The following PPP4R3A variants were observed in gnomAD, a reference collection of about 807,000 sequenced individuals.
PPP4R3A encodes the protein protein phosphatase 4 regulatory subunit 3A.
Under a neutral mutation model 91.7 loss-of-function variants are expected in PPP4R3A, and 15 were observed. The observed-to-expected ratio is 0.16, with a 90% CI of 0.11 to 0.25. The LOEUF is 0.25. PPP4R3A is among the 10% of genes least tolerant of loss of function. The pLI is 1.00. For missense variants in PPP4R3A, 623 were observed against 998.4 expected (o/e 0.62, Z 5.07); for synonymous variants, 377 against 348.7 (o/e 1.08, Z -0.91).
At chr14:91,471,051 A>C in intron 9 of PPP4R3A, 56 bp from the exon 10 acceptor site, 2 of 1,486,422 alleles carry the variant, frequency 1.3e-6, no homozygotes, top group East Asian at 2.4e-5. Context: ...TTTCCTTCTA[A>C]AATGTAAGAA....
At chr14:91,498,671 T>C (rs1365957325) in intron 1 of PPP4R3A, among the ~76,000 whole-genome samples, 1 of 151,532 alleles carries the variant, frequency 6.6e-6, no homozygotes, top group East Asian at 2.0e-4. Flanking sequence ...TCCCAGCACT[T>C]TGGGAGGCAG....
intron 10 of PPP4R3A, among the ~76,000 whole-genome samples, chr14:91,466,646 A>G (rs1384908929): frequency 6.6e-6 from 1 of 152,192 alleles, no homozygotes; most frequent in Non-Finnish European, 1.5e-5. Context: ...TTTTAAAAAC[A>G]TACTCATGGT....
In PPP4R3A at chr14:91,509,902, C is replaced by A; in HGVS notation, c.-255G>T. On this transcript the variant is annotated 5_prime_UTR_variant, in exon 1 of 15. Coordinates refer to ENST00000554943, the MANE Select transcript of PPP4R3A (RefSeq NM_001366432.2). ...GCCTGGCGAGCCCGGCGCCCGGCAGCCCCGAGGGGGCCGCGCAGCGCTTCG... is the reference window on the plus strand; with the variant it reads ...GCCTGGCGAGCCCGGCGCCCGGCAGACCCGAGGGGGCCGCGCAGCGCTTCG... 1 of 1,070,852 alleles carries A rather than the reference C, an allele frequency of 9.3e-7. No individual in the cohort carries two copies. Among genetic ancestry groups the A allele is most frequent in the Non-Finnish European group, 1.1e-6 (1 of 886,762 alleles). The allele number at this position is 1,070,852 out of a possible 1,614,324, so 66.3% of individuals were successfully genotyped here.
rs549129708 is a variant in PPP4R3A, at chr14:91,504,101, G to A, written c.142+5405C>T. 2.6e-5 allele frequency among the ~76,000 whole-genome samples: 4 copies of A among 151,806 alleles called. No homozygotes were observed. The South Asian group carries it at 8.3e-4, about 32-fold the overall frequency. ...GGACCAGGCATGGTGGCTCATGCCT[G>A]AGCCCAGGAGTTCGAGACCAGCCTG... On this transcript the variant is annotated intron_variant, in intron 1 of 14. Transcript: ENST00000554943.
At chr14:91,501,469 C>T (rs1466815235) in intron 1 of PPP4R3A, among the ~76,000 whole-genome samples, 1 of 152,040 alleles carries the variant, frequency 6.6e-6, no homozygotes, top group Non-Finnish European at 1.5e-5. Flanking sequence ...GCCTGGGCAA[C>T]ATAAGGTGAC....
chr14:91,460,834 C>A (rs7142852), intron 14 of PPP4R3A, among the ~76,000 whole-genome samples: 3 of 151,774 alleles, frequency 2.0e-5, no homozygotes, highest in Admixed American at 2.0e-4. Context: ...TTAGCCAGGA[C>A]GGTCTCGATC....
At chr14:91,489,158 C>T (rs368214565) in intron 2 of PPP4R3A, among the ~76,000 whole-genome samples, 4 of 152,028 alleles carry the variant, frequency 2.6e-5, no homozygotes, top group South Asian at 2.1e-4. Context: ...CCGCCTGCCT[C>T]GGCCTCCCAA....
chr14:91,490,944 G>A lies in PPP4R3A; in HGVS notation c.143-142C>T, dbSNP rs1391910004. 1.3e-4 allele frequency: 42 copies of A among 329,514 alleles called. 1 individual carries two copies. Among genetic ancestry groups the A allele is most frequent in the Admixed American group, 1.2e-4 (2 of 17,368 alleles). 20.4% of individuals were successfully genotyped at this position (329,514 alleles called of 1,614,324 possible). On this transcript the variant is annotated intron_variant, in intron 1 of 14. Coordinates refer to ENST00000554943, the MANE Select transcript of PPP4R3A (RefSeq NM_001366432.2). ...TAATGAGACAGGGCTTCTCTCTGTC[G>A]CCCAGACTGGAGTGCACTGGCACGA... is the stretch of plus-strand genomic sequence containing the variant.
chr14:91,476,685 C>G (rs906638799), intron 5 of PPP4R3A, among the ~76,000 whole-genome samples, 161 bp from the exon 6 acceptor site: 1 of 152,236 alleles, frequency 6.6e-6, no homozygotes, highest in African/African-American at 2.4e-5. Flanking sequence ...CCTGCCTCAG[C>G]CTTCTGAGTA....
At chr14:91,489,409 T>C (rs1890099340) in intron 2 of PPP4R3A, among the ~76,000 whole-genome samples, 1 of 152,260 alleles carries the variant, frequency 6.6e-6, no homozygotes, top group Non-Finnish European at 1.5e-5. Context: ...ACTTTGTGGC[T>C]GATGCTTAAG....
rs147590866 is a variant in PPP4R3A at position 91,492,621 on chromosome 14, C to T, written c.143-1819G>A. On this transcript the variant is annotated intron_variant, in intron 1 of 14. Coordinates refer to ENST00000554943, the MANE Select transcript of PPP4R3A (RefSeq NM_001366432.2). ...ACAGGTGACCTAATTAATCCAAAAT[C>T]TCTTTCTTATCCTTTGAGTGCTTAA... is the stretch of plus-strand genomic sequence containing the variant. 8.8e-3 allele frequency among the ~76,000 whole-genome samples: 1,337 copies of T among 152,320 alleles called. 8 individuals are homozygous for T. The highest frequency in any genetic ancestry group is 0.024 in the Middle Eastern group (7 of 294).
At chr14:91,491,658 G>C (rs1890240386) in intron 1 of PPP4R3A, among the ~76,000 whole-genome samples, 1 of 151,460 alleles carries the variant, frequency 6.6e-6, no homozygotes, top group East Asian at 2.0e-4. Context: ...ACCAGCCTTG[G>C]CCTCCCAAAG....
chr14:91,479,169 G>C (rs555967170), intron 4 of PPP4R3A, among the ~76,000 whole-genome samples: 9 of 152,022 alleles, frequency 5.9e-5, no homozygotes, highest in Non-Finnish European at 1.2e-4. Context: ...TTTTAGTAGA[G>C]ACGAGGTTTT....
At chr14:91,508,821 A>T (rs1273048993) in intron 1 of PPP4R3A, among the ~76,000 whole-genome samples, 1 of 152,230 alleles carries the variant, frequency 6.6e-6, no homozygotes, top group Non-Finnish European at 1.5e-5. Flanking sequence ...CACCCATTTA[A>T]GCAATCAAAA....
intron 2 of PPP4R3A, among the ~76,000 whole-genome samples, chr14:91,486,337 T>G (rs1252182653): frequency 1.3e-5 from 2 of 152,056 alleles, no homozygotes; most frequent in Non-Finnish European, 2.9e-5. Context: ...TATTCAGAAC[T>G]TCTTAGTTTC....
In PPP4R3A at chr14:91,500,076, G is replaced by A. The variant is rs565854790; in HGVS notation, c.143-9274C>T. The stretch of plus-strand genomic sequence containing the variant: ...TTTGCATAAAAATTATAGATTTCTT[G>A]CCAGGTGCAAGTTAATACAACAAGA... On this transcript the variant is annotated intron_variant, in intron 1 of 14. Transcript: ENST00000554943. Among the ~76,000 whole-genome samples, 294 of 152,208 alleles carry A rather than the reference G, an allele frequency of 1.9e-3. 1 individual carries two copies. Among genetic ancestry groups the A allele is most frequent in the African/African-American group, 6.8e-3 (284 of 41,506 alleles).
intron 1 of PPP4R3A, among the ~76,000 whole-genome samples, chr14:91,493,407 C>G (rs1041262981): frequency 1.3e-5 from 2 of 150,710 alleles, no homozygotes; most frequent in African/African-American, 5.0e-5. Context: ...GCAGGAGGAT[C>G]TCCTGAGCCC....
intron 1 of PPP4R3A, among the ~76,000 whole-genome samples, chr14:91,508,869 T>C (rs1027525863): frequency 2.0e-5 from 3 of 152,212 alleles, no homozygotes; most frequent in East Asian, 1.9e-4. Context: ...GATGTTTATA[T>C]AGTAAGCTAC....
Position 91,458,650 on chromosome 14 carries a change from G to T in PPP4R3A, c.*109C>A. The T allele has an allele frequency of 1.3e-6, 2 of 1,487,652 alleles. No homozygotes were observed. The highest frequency in any genetic ancestry group is 1.1e-5 in the South Asian group (1 of 87,836). The allele number at this position is 1,487,652 out of a possible 1,614,324, so 92.2% of individuals were successfully genotyped here. On this transcript the variant is annotated 3_prime_UTR_variant, in exon 15 of 15. Transcript: ENST00000554943. ...GAAGTCAAGTGTAAGAGGCTGATCT[G>T]TGTCAGTCATTCACAAGAGACCACT...
Sources: allele counts gnomAD v4.1 joint callset (sites outside exome capture counted in the v4.1 genomes callset), GRCh38; gene constraint gnomAD v4.1.1; transcripts MANE v1.5; gene names NCBI Gene and HGNC (gene_info 2026-07-23, HGNC 2026-07-21).